The following DAB2IP variants were observed in gnomAD, a reference collection of about 807,000 sequenced individuals.
DAB2IP encodes the protein disabled homolog 2-interacting protein.
Under a neutral mutation model 107.2 loss-of-function variants are expected in DAB2IP, and 28 were observed. That is an observed-to-expected ratio of 0.26 (90% CI 0.19 to 0.36). The LOEUF (loss-of-function observed/expected upper bound fraction) is 0.36. Ranked by LOEUF, DAB2IP falls within the 10% of genes least tolerant of loss-of-function variation. The probability of loss-of-function intolerance (pLI) is 1.00; values close to 1 mark genes in which losing one functional copy is unlikely to be tolerated. For synonymous variants in DAB2IP, 755 were observed against 706.4 expected (o/e 1.07, Z -1.09); for missense variants, 1,400 against 1,644.7 (o/e 0.85, Z 2.57).
At chr9:121,617,572 G>A (rs79407089) in intron 1 of DAB2IP, among the ~76,000 whole-genome samples, 10,809 of 152,298 alleles carry the variant, frequency 0.071, 457 homozygotes, top group Non-Finnish European at 0.096. Context: ...TGGGGCACTG[G>A]TTTGGGTCCA....
At chr9:121,761,514 C>T (rs1833889416) in intron 6 of DAB2IP, among the ~76,000 whole-genome samples, 1 of 152,224 alleles carries the variant, frequency 6.6e-6, no homozygotes, top group Admixed American at 6.5e-5. Context: ...CCCTCACCCT[C>T]TCACCTGTTC....
chr9:121,677,743 C>A (rs796447340), intron 1 of DAB2IP, among the ~76,000 whole-genome samples: 5 of 152,230 alleles, frequency 3.3e-5, no homozygotes, highest in Admixed American at 6.5e-5. Context: ...GTCACTGCAA[C>A]TTTCGCCTCC....
chr9:121,649,853 A>G (rs367770082), upstream of DAB2IP, among the ~76,000 whole-genome samples: 38 of 152,330 alleles, frequency 2.5e-4, no homozygotes, highest in African/African-American at 9.1e-4. Flanking sequence ...ACGTTCCTGC[A>G]CCATGTCTGC....
intron 1 of DAB2IP, among the ~76,000 whole-genome samples, chr9:121,587,488 G>A (rs887574041): frequency 1.3e-5 from 2 of 151,954 alleles, no homozygotes; most frequent in African/African-American, 4.8e-5. Flanking sequence ...CATGCCTGTA[G>A]TTCCAGCTAC....
intron 2 of DAB2IP, among the ~76,000 whole-genome samples, chr9:121,690,369 G>A (rs1829101776): frequency 2.0e-5 from 3 of 152,142 alleles, no homozygotes; most frequent in Non-Finnish European, 4.4e-5. Context: ...CTGCTGCAGG[G>A]GTGTAACCTC....
At chr9:121,737,830 G>A in intron 3 of DAB2IP, 2 of 970,838 alleles carry the variant, frequency 2.1e-6, no homozygotes, top group South Asian at 9.5e-5. Flanking sequence ...GCTGGAGGGT[G>A]AGGAGCTGTT....
At chr9:121,641,995 TTCTCTCTCTCTCTCTCTC>T (rs71370683) in intron 1 of DAB2IP, among the ~76,000 whole-genome samples, 12 of 35,010 alleles carry the variant, frequency 3.4e-4, no homozygotes, top group African/African-American at 1.8e-3. Flanking sequence ...TTTCTTTCCT[TTCTCTCTCTCTCTCTCTC>T]TCTCTCTCTC....
intron 2 of DAB2IP, among the ~76,000 whole-genome samples, chr9:121,697,310 A>G (rs1208950108): frequency 6.6e-6 from 1 of 152,266 alleles, no homozygotes; most frequent in Non-Finnish European, 1.5e-5. Flanking sequence ...AAAAATTGTG[A>G]AATTTTCATC....
intron 1 of DAB2IP, among the ~76,000 whole-genome samples, chr9:121,645,717 G>A (rs946828917): frequency 1.6e-4 from 25 of 152,200 alleles, no homozygotes; most frequent in African/African-American, 5.3e-4. Flanking sequence ...GATTTTGAGG[G>A]CCTCAGCTTC....
intron 3 of DAB2IP, among the ~76,000 whole-genome samples, chr9:121,740,291 G>T (rs1343724513): frequency 6.6e-6 from 1 of 152,136 alleles, no homozygotes. Context: ...AGCTCTCTGA[G>T]CCCTCTCCAC....
rs1339111883 is a variant in DAB2IP, at chr9:121,699,796, C to T, written c.362+338C>T. On this transcript the variant is annotated intron_variant, in intron 3 of 15. Coordinates refer to ENST00000408936, the Ensembl canonical transcript of DAB2IP. This position sits in a 1 kb window ranked among gnomAD's most constrained non-coding sequence, Gnocchi z 6.2. ...TTCCCGGGCCGTGCGGTGCCCGAAC[C>T]GGGGACGGAAGTGGGGCCTCTGCCG... is the stretch of plus-strand genomic sequence containing the variant. Among the ~76,000 whole-genome samples, 1 of 152,218 alleles carries T rather than the reference C, an allele frequency of 6.6e-6. No homozygotes were observed. The highest frequency in any genetic ancestry group is 6.5e-5 in the Admixed American group (1 of 15,292).
At chr9:121,606,110 A>C (rs899896701) in intron 1 of DAB2IP, among the ~76,000 whole-genome samples, 11 of 152,200 alleles carry the variant, frequency 7.2e-5, no homozygotes, top group African/African-American at 2.7e-4. Context: ...TGGGAAGCCA[A>C]GGCGGGGGAT....
At chr9:121,569,226 C>G (rs968684414) in intron 1 of DAB2IP, among the ~76,000 whole-genome samples, 1 of 152,234 alleles carries the variant, frequency 6.6e-6, no homozygotes, top group East Asian at 1.9e-4. Flanking sequence ...CCAGTCTGAG[C>G]CCCGGTTCTA....
At chr9:121,642,017 C>T (rs191226574) in intron 1 of DAB2IP, among the ~76,000 whole-genome samples, 370 of 15,126 alleles carry the variant, frequency 0.024, 6 homozygotes, top group African/African-American at 0.089. Flanking sequence ...CTCTCTCTCT[C>T]TCTCTCTCTC....
At chr9:121,731,351 G>A (rs954919223) in intron 3 of DAB2IP, among the ~76,000 whole-genome samples, 1 of 152,202 alleles carries the variant, frequency 6.6e-6, no homozygotes, top group Non-Finnish European at 1.5e-5. Context: ...ACATGTCACG[G>A]CAAGGAGGTT....
chr9:121,759,197 C>G (rs959563590), intron 5 of DAB2IP, among the ~76,000 whole-genome samples: 1 of 152,202 alleles, frequency 6.6e-6, no homozygotes, highest in African/African-American at 2.4e-5. Flanking sequence ...CTGTGTGCCT[C>G]TGTTTTCTAA....
chr9:121,771,322 T>C (rs935473961), intron 11 of DAB2IP, among the ~76,000 whole-genome samples: 3 of 151,512 alleles, frequency 2.0e-5, no homozygotes, highest in Non-Finnish European at 4.4e-5. Context: ...TCAGTTCATG[T>C]TGAAGCATTT....
intron 2 of DAB2IP, among the ~76,000 whole-genome samples, chr9:121,687,421 G>C (rs1828936443): frequency 6.6e-6 from 1 of 152,188 alleles, no homozygotes; most frequent in South Asian, 2.1e-4. Flanking sequence ...CTGCTGCACT[G>C]TGGTCACCAG....
intron 5 of DAB2IP, 52 bp from the exon 6 acceptor site, chr9:121,759,833 G>A: frequency 6.6e-7 from 1 of 1,521,794 alleles, no homozygotes; most frequent in Non-Finnish European, 8.9e-7. Context: ...GCTGGTTGGG[G>A]GTTGCACGTG....
Sources: allele counts gnomAD v4.1 joint callset (sites outside exome capture counted in the v4.1 genomes callset), GRCh38; gene constraint gnomAD v4.1.1; non-coding constraint Gnocchi (gnomAD v3.1); transcripts MANE v1.5; gene names NCBI Gene and HGNC (gene_info 2026-07-23, HGNC 2026-07-21).